Variants in TRMT11 observed in about 807,000 individuals in gnomAD.
TRMT11 encodes the protein tRNA (guanine(10)-N(2))-methyltransferase TRMT11.
In TRMT11, 53 loss-of-function variants were observed where a neutral mutation model predicts 62.8. That is an observed-to-expected ratio of 0.84 (90% CI 0.68 to 1.06). The LOEUF (loss-of-function observed/expected upper bound fraction) is 1.06, where lower values mean the gene tolerates loss of function less well. TRMT11 is among the 50% of genes least tolerant of loss of function. TRMT11 has a pLI of 0.00. For missense variants in TRMT11, 556 were observed against 553.4 expected, an observed-to-expected ratio of 1.00 and a Z score of -0.05; for synonymous variants, 188 against 190.3, an observed-to-expected ratio of 0.99 and a Z score of 0.10.
chr6:126,151,204 C>T (rs1181458304), intron 21 of TRMT11, among the ~76,000 whole-genome samples: 1 of 152,124 alleles, frequency 6.6e-6, no homozygotes, highest in African/African-American at 2.4e-5. Flanking sequence ...TTCAGGTTGG[C>T]ACTAGTCCTT....
chr6:126,080,224 C>T (rs930937998), intron 17 of TRMT11, among the ~76,000 whole-genome samples: 9 of 151,846 alleles, frequency 5.9e-5, no homozygotes, highest in African/African-American at 2.2e-4. Flanking sequence ...CACTCAGCCT[C>T]CTGAATAGCT....
the TRMT11 span, among the ~76,000 whole-genome samples, chr6:126,240,405 G>A: frequency 4.6e-5 from 7 of 152,172 alleles, no homozygotes; most frequent in African/African-American, 9.7e-5. Flanking sequence ...TGTCATTTCT[G>A]TTTGTTAGTT....
intron 1 of TRMT11, among the ~76,000 whole-genome samples, chr6:126,182,954 A>C (rs1172502517): frequency 6.6e-6 from 1 of 152,000 alleles, no homozygotes; most frequent in Non-Finnish European, 1.5e-5. Flanking sequence ...GCCCATTTCA[A>C]CTGGGGCTGT....
In TRMT11 at chr6:126,096,429, C is replaced by A. The variant is rs1777340302; in HGVS notation, c.*1438-16437C>A. On this transcript the variant is annotated intron_variant and NMD_transcript_variant, in intron 17 of 22. Coordinates refer to the TRMT11 transcript ENST00000648977. Reference sequence around the variant, plus strand: ...TGGTGTTTTCTACTTCTGTAACCAGCTTGTCTCTAACTCTCAGCAGCAGAT... The same window carrying A: ...TGGTGTTTTCTACTTCTGTAACCAGATTGTCTCTAACTCTCAGCAGCAGAT... Among the ~76,000 whole-genome samples, 4 of 152,158 alleles carry A rather than the reference C, an allele frequency of 2.6e-5. No homozygotes were observed. In the South Asian group the frequency reaches 8.3e-4, roughly 32 times the overall value.
intron 21 of TRMT11, among the ~76,000 whole-genome samples, chr6:126,161,601 A>G (rs1778191093): frequency 6.6e-6 from 1 of 152,156 alleles, no homozygotes; most frequent in Non-Finnish European, 1.5e-5. Flanking sequence ...ATACCCAGTA[A>G]TGGGATGGCT....
intron 21 of TRMT11, among the ~76,000 whole-genome samples, chr6:126,151,867 C>CA (rs1778054718): frequency 5.4e-5 from 1 of 18,414 alleles, no homozygotes. Context: ...TCTTTCTTTC[C>CA]TTCTTTCTCC....
intron 21 of TRMT11, among the ~76,000 whole-genome samples, chr6:126,150,271 C>T (rs1025565271): frequency 3.9e-5 from 6 of 152,152 alleles, no homozygotes; most frequent in African/African-American, 1.2e-4. Context: ...AGAGTCCTCA[C>T]TAGCAAGAAA....
intron 17 of TRMT11, among the ~76,000 whole-genome samples, chr6:126,094,799 A>G (rs1398987653): frequency 6.6e-6 from 1 of 152,180 alleles, no homozygotes; most frequent in Non-Finnish European, 1.5e-5. Context: ...CTACCTAATT[A>G]ATCAAGTATA....
At chr6:126,158,250 CT>C (rs1778143693) in intron 21 of TRMT11, among the ~76,000 whole-genome samples, 1 of 152,288 alleles carries the variant, frequency 6.6e-6, no homozygotes, top group East Asian at 1.9e-4. Flanking sequence ...CTACCTCAAT[CT>C]TTTCCCTGTG....
chr6:126,075,508 C>A (rs1183959927), intron 17 of TRMT11, among the ~76,000 whole-genome samples: 1 of 151,954 alleles, frequency 6.6e-6, no homozygotes, highest in African/African-American at 2.4e-5. Context: ...CCCCCTGCTC[C>A]AGCCACGTGG....
intron 17 of TRMT11, among the ~76,000 whole-genome samples, chr6:126,080,317 C>G (rs1467126040): frequency 1.3e-5 from 2 of 151,890 alleles, no homozygotes; most frequent in African/African-American, 4.8e-5. Flanking sequence ...CACTGTGTTG[C>G]CCAGGCTGGT....
the TRMT11 span, among the ~76,000 whole-genome samples, chr6:126,256,869 T>A: frequency 6.6e-6 from 1 of 151,808 alleles, no homozygotes; most frequent in Non-Finnish European, 1.5e-5. Context: ...TTGTTTTTTG[T>A]TTGTTTGTTT....
the TRMT11 span, among the ~76,000 whole-genome samples, chr6:126,251,325 G>A: frequency 6.6e-6 from 1 of 151,754 alleles, no homozygotes; most frequent in African/African-American, 2.4e-5. Context: ...CACCGCACCC[G>A]GCCCCAATTT....
chr6:126,265,386 G>A, the TRMT11 span, among the ~76,000 whole-genome samples: 10 of 151,890 alleles, frequency 6.6e-5, no homozygotes, highest in African/African-American at 2.4e-4. Context: ...TTATCCCAAA[G>A]TTTTGGTTTT....
At chr6:126,083,353 C>G (rs1777179842) in intron 17 of TRMT11, among the ~76,000 whole-genome samples, 1 of 152,110 alleles carries the variant, frequency 6.6e-6, no homozygotes, top group Non-Finnish European at 1.5e-5. Context: ...ATCTTTTGCT[C>G]TGGAAGATCT....
chr6:125,989,386 A>C (rs1790239201), intron 1 of TRMT11, among the ~76,000 whole-genome samples: 1 of 152,022 alleles, frequency 6.6e-6, no homozygotes, highest in Non-Finnish European at 1.5e-5. Context: ...TCATGCTGGG[A>C]TTACAGGCAT....
intron 17 of TRMT11, among the ~76,000 whole-genome samples, chr6:126,086,848 A>G (rs1178246292): frequency 6.6e-6 from 1 of 152,120 alleles, no homozygotes; most frequent in East Asian, 1.9e-4. Flanking sequence ...TTGTTCAGCT[A>G]TAACCTTTTG....
intron 1 of TRMT11, among the ~76,000 whole-genome samples, chr6:126,190,995 T>C (rs566101102): frequency 6.6e-6 from 1 of 152,192 alleles, no homozygotes; most frequent in African/African-American, 2.4e-5. Context: ...TATTTTTAAT[T>C]ATTTGAGGAA....
chr6:126,022,456 T>G (rs1313992474), intron 12 of TRMT11, among the ~76,000 whole-genome samples: 2 of 152,238 alleles, frequency 1.3e-5, no homozygotes, highest in East Asian at 3.8e-4. Context: ...CAGTGCCTTT[T>G]GCATATATTA....
Sources: gnomAD v4.1 joint callset for allele counts (sites outside exome capture counted in the v4.1 genomes callset) on GRCh38, gnomAD v4.1.1 for gene constraint, MANE v1.5 for transcripts, NCBI Gene and HGNC (gene_info 2026-07-23, HGNC 2026-07-21) for gene names.